The following ABCA12 variants were observed in gnomAD, a reference collection of about 807,000 sequenced individuals.
ABCA12 encodes the protein ATP binding cassette subfamily A member 12, also known as glucosylceramide transporter ABCA12.
ABCA12 carries 156 observed loss-of-function variants against 293.5 expected under a neutral mutation model. The observed-to-expected ratio is 0.53, with a 90% confidence interval of 0.47 to 0.61. The LOEUF is 0.61. Ranked by LOEUF, ABCA12 falls within the 20% of genes least tolerant of loss-of-function variation. ABCA12 has a pLI of 0.00. For missense variants in ABCA12, 2,797 were observed against 3,090.2 expected (o/e 0.91, Z 2.25); for synonymous variants, 1,063 against 1,108.0 (o/e 0.96, Z 0.81).
At chr2:214,935,277 A>G (rs886219754) in intron 51 of ABCA12, among the ~76,000 whole-genome samples, 1 of 152,142 alleles carries the variant, frequency 6.6e-6, no homozygotes, top group Non-Finnish European at 1.5e-5. Flanking sequence ...CTAGGGAGAA[A>G]TCAGACTTTT....
At chr2:215,100,537 T>A (rs1359809941) in intron 2 of ABCA12, among the ~76,000 whole-genome samples, 1 of 147,914 alleles carries the variant, frequency 6.8e-6, no homozygotes, top group Non-Finnish European at 1.5e-5. Context: ...TATTAATCAA[T>A]GAATATTTGA....
rs189599217 is a variant in ABCA12, at chr2:215,034,025, A to G, written c.986-2129T>C. Among the ~76,000 whole-genome samples the G allele has an allele frequency of 6.7e-3, 1,024 of 152,314 alleles. 34 individuals are homozygous for G. The highest frequency in any genetic ancestry group is 0.051 in the Admixed American group (778 of 15,290). ...AAATTGTATTCACAGACACAGAAATATGGTGCATAGATAACCTCTTTTTAT... is the reference window on the plus strand; with the variant it reads ...AAATTGTATTCACAGACACAGAAATGTGGTGCATAGATAACCTCTTTTTAT... On this transcript the variant is annotated intron_variant, in intron 8 of 52. Transcript: ENST00000272895.
rs747227538 is a variant in ABCA12, at chr2:214,989,612, A to T, written c.3634T>A (p.Ser1212Thr). The change falls in exon 25 of 53, where the codon TCC (serine) becomes ACC (threonine). Residue 1212 changes from serine to threonine, a missense_variant. Ser to Thr is a moderately conservative substitution (Grantham distance 58). This residue lies in a region of ABCA12 where 2,130 missense variants were observed against 2,427.0 expected (regional missense o/e 0.88). Transcript: ENST00000272895. ...YVLKVFMSLL[S>T]PTAFSYASQY... ...CTTGCATAGCTGAATGCTGTTGGGG[A>T]CAGCAGGCTCTGTGAAGAAAGGAAA... is the stretch of plus-strand genomic sequence containing the variant. The T allele has an allele frequency of 1.5e-5, 24 of 1,613,712 alleles. No individual in the cohort carries two copies. The highest frequency in any genetic ancestry group is 1.9e-5 in the Non-Finnish European group (23 of 1,179,808).
intron 2 of ABCA12, among the ~76,000 whole-genome samples, chr2:215,069,472 C>T (rs1356345246): frequency 6.6e-6 from 1 of 151,816 alleles, no homozygotes. Flanking sequence ...AATTTATTAA[C>T]GTTTTTTTTT....
At chr2:215,101,846 G>A (rs1160292340) in intron 2 of ABCA12, among the ~76,000 whole-genome samples, 1 of 152,152 alleles carries the variant, frequency 6.6e-6, no homozygotes, top group East Asian at 1.9e-4. Context: ...TTTAGCCTCA[G>A]TTACTATTTC....
intron 42 of ABCA12, among the ~76,000 whole-genome samples, chr2:214,956,319 T>C (rs1241626676): frequency 6.6e-6 from 1 of 151,928 alleles, no homozygotes; most frequent in Non-Finnish European, 1.5e-5. Context: ...CATATACTCA[T>C]ATAGTCAATA....
intron 2 of ABCA12, among the ~76,000 whole-genome samples, chr2:215,089,077 G>A (rs1403021959): frequency 6.6e-6 from 1 of 152,076 alleles, no homozygotes; most frequent in Non-Finnish European, 1.5e-5. Context: ...GGATAAAATT[G>A]TGGTCAGAAC....
At chr2:215,131,405 A>T (rs1298068610) in intron 1 of ABCA12, among the ~76,000 whole-genome samples, 1 of 149,646 alleles carries the variant, frequency 6.7e-6, no homozygotes, top group Non-Finnish European at 1.5e-5. Context: ...TATTGGTTTA[A>T]TTTCATTACT....
intron 2 of ABCA12, among the ~76,000 whole-genome samples, chr2:215,096,605 C>T (rs1265223258): frequency 6.6e-6 from 1 of 152,178 alleles, no homozygotes; most frequent in African/African-American, 2.4e-5. Flanking sequence ...TCTACTACTT[C>T]CTCTTCCCAG....
At chr2:214,965,807 C>A (rs921493366) in intron 39 of ABCA12, among the ~76,000 whole-genome samples, 1 of 152,162 alleles carries the variant, frequency 6.6e-6, no homozygotes, top group East Asian at 1.9e-4. Flanking sequence ...TTAGTTCAAC[C>A]ATTGTGGAAG....
chr2:214,979,666 A>G (rs1322361404), intron 31 of ABCA12, among the ~76,000 whole-genome samples: 1 of 152,166 alleles, frequency 6.6e-6, no homozygotes, highest in Non-Finnish European at 1.5e-5. Context: ...AAGAGGCCAG[A>G]GATTTTCATA....
At chr2:214,980,195 G>A (rs1198197409) in intron 31 of ABCA12, among the ~76,000 whole-genome samples, 1 of 152,144 alleles carries the variant, frequency 6.6e-6, no homozygotes, top group Non-Finnish European at 1.5e-5. Context: ...TTCTGAATGT[G>A]CAGTCCTCAG....
chr2:215,020,465 T>C (rs1700604712), intron 11 of ABCA12, among the ~76,000 whole-genome samples: 1 of 152,312 alleles, frequency 6.6e-6, no homozygotes, highest in South Asian at 2.1e-4. Flanking sequence ...ACTTATATGA[T>C]GAGGTACCTA....
chr2:215,070,930 C>A (rs774693380), intron 2 of ABCA12, among the ~76,000 whole-genome samples: 1 of 152,072 alleles, frequency 6.6e-6, no homozygotes, highest in Admixed American at 6.6e-5. Flanking sequence ...CCTATACTCT[C>A]GCACTTTGGG....
chr2:214,981,978 A>T (rs878925893), intron 30 of ABCA12, among the ~76,000 whole-genome samples: 14,514 of 134,812 alleles, frequency 0.11, 1,306 homozygotes, highest in African/African-American at 0.19. Context: ...TATTATTATT[A>T]TTATTATTTT....
chr2:215,083,998 G>C (rs1701991811), intron 2 of ABCA12, among the ~76,000 whole-genome samples: 1 of 151,666 alleles, frequency 6.6e-6, no homozygotes, highest in Admixed American at 6.6e-5. Flanking sequence ...TTTTTTTTGA[G>C]ACAGGGTCTT....
At chr2:215,043,259 G>A (rs1464681) in intron 7 of ABCA12, among the ~76,000 whole-genome samples, 21,955 of 152,050 alleles carry the variant, frequency 0.14, 4,792 homozygotes, top group African/African-American at 0.47. Context: ...ATTTTAAATT[G>A]CATTATTTGT....
At chr2:215,030,132 C>T (rs1700840446) in intron 9 of ABCA12, 3 of 152,150 alleles carry the variant, frequency 2.0e-5, no homozygotes, top group African/African-American at 7.2e-5. Context: ...CAACTACCTA[C>T]ATTTGCTGTG....
At position 215,015,706 on chromosome 2, in the gene ABCA12, G is replaced by T. The variant is rs199886366; in HGVS notation, c.1783-43C>A. On this transcript the variant is annotated intron_variant, in intron 14 of 52. Transcript: ENST00000272895. Reference sequence around the variant, plus strand: ...AAAATATTTCAACTGTGAATCATTCGAGAGTCAACTGTTCATTTTGTGAGG... The same window carrying T: ...AAAATATTTCAACTGTGAATCATTCTAGAGTCAACTGTTCATTTTGTGAGG... The T allele has an allele frequency of 4.0e-5, 63 of 1,574,090 alleles. No homozygotes were observed. In the South Asian group the frequency reaches 6.9e-4, roughly 17 times the overall value.
Sources: gnomAD v4.1 joint callset for allele counts (sites outside exome capture counted in the v4.1 genomes callset) on GRCh38, gnomAD v4.1.1 for gene constraint, gnomAD v4.1.1 regional missense constraint, MANE v1.5 for transcripts, NCBI Gene and HGNC (gene_info 2026-07-23, HGNC 2026-07-21) for gene names.